TSG101: variants seen among roughly 807,000 people sequenced by gnomAD.
TSG101 encodes the protein tumor susceptibility 101.
A neutral mutation model predicts 48.5 loss-of-function variants in TSG101; 19 were observed. The observed-to-expected ratio is 0.39, with a 90% CI of 0.27 to 0.58. TSG101 has a LOEUF of 0.58. TSG101 is among the 20% of genes least tolerant of loss of function. The probability of loss-of-function intolerance (pLI) is 0.55; values close to 1 mark genes in which losing one functional copy is unlikely to be tolerated. For synonymous variants in TSG101, 174 were observed against 169.4 expected (o/e 1.03, Z -0.21); for missense variants, 365 against 484.4 (o/e 0.75, Z 2.31).
At chr11:18,505,240 T>C (rs955881843) in intron 6 of TSG101, among the ~76,000 whole-genome samples, 1 of 151,852 alleles carries the variant, frequency 6.6e-6, no homozygotes. Flanking sequence ...AGTCTCATCT[T>C]GGCATCAGTA....
chr11:18,509,458 C>T (rs765026617), intron 5 of TSG101, 84 bp downstream of exon 5: 20 of 1,494,778 alleles, frequency 1.3e-5, no homozygotes, highest in Non-Finnish European at 1.8e-5. Context: ...GCAAAGAAGT[C>T]ATTATTTTTC....
At chr11:18,515,881 T>C (rs1261749517) in intron 3 of TSG101, among the ~76,000 whole-genome samples, 2 of 152,210 alleles carry the variant, frequency 1.3e-5, no homozygotes, top group Admixed American at 6.5e-5. Flanking sequence ...CTGGTGAACT[T>C]AGGCACTTAT....
chr11:18,526,519 G>A (rs1357612743), intron 1 of TSG101, among the ~76,000 whole-genome samples: 1 of 152,242 alleles, frequency 6.6e-6, no homozygotes, highest in East Asian at 1.9e-4. Context: ...GAGGGCGGGT[G>A]GGCGGCAGGT....
chr11:18,510,071 G>A (rs184138203), intron 4 of TSG101, among the ~76,000 whole-genome samples: 1 of 152,264 alleles, frequency 6.6e-6, no homozygotes, highest in East Asian at 1.9e-4. Context: ...TGATATCTTG[G>A]AAATACGTGT....
intron 7 of TSG101, among the ~76,000 whole-genome samples, chr11:18,489,784 C>T (rs1386988616): frequency 6.6e-6 from 1 of 152,150 alleles, no homozygotes; most frequent in Non-Finnish European, 1.5e-5. Context: ...AACTCAAATG[C>T]CAAATGATGT....
intron 6 of TSG101, among the ~76,000 whole-genome samples, chr11:18,504,242 C>G (rs1348586199): frequency 6.6e-6 from 1 of 150,554 alleles, no homozygotes; most frequent in Non-Finnish European, 1.5e-5. Context: ...GACACTGGAG[C>G]AAGAGCTCCT....
At chr11:18,525,336 G>C (rs1850351553) in intron 1 of TSG101, among the ~76,000 whole-genome samples, 1 of 152,024 alleles carries the variant, frequency 6.6e-6, no homozygotes, top group Non-Finnish European at 1.5e-5. Context: ...ACTGAGGTCT[G>C]GAGTTTAAGA....
At chr11:18,519,178 A>AT (rs1020119618) in intron 2 of TSG101, among the ~76,000 whole-genome samples, 2 of 151,662 alleles carry the variant, frequency 1.3e-5, no homozygotes, top group African/African-American at 2.4e-5. Context: ...AACTTTAAGT[A>AT]TTTTTTTGTT....
chr11:18,520,560 A>T (rs1010492607), intron 1 of TSG101, among the ~76,000 whole-genome samples: 1 of 152,158 alleles, frequency 6.6e-6, no homozygotes, highest in Non-Finnish European at 1.5e-5. Flanking sequence ...CAGCTGAAAA[A>T]TACTTAACTG....
intron 7 of TSG101, among the ~76,000 whole-genome samples, chr11:18,499,264 T>C (rs1170381665): frequency 8.3e-6 from 1 of 120,302 alleles, no homozygotes; most frequent in Non-Finnish European, 1.8e-5. Flanking sequence ...TTATATATAT[T>C]TTATATATAT....
At chr11:18,486,009 G>A (rs1487789030) in intron 7 of TSG101, among the ~76,000 whole-genome samples, 1 of 152,116 alleles carries the variant, frequency 6.6e-6, no homozygotes, top group African/African-American at 2.4e-5. Flanking sequence ...CCAATCAAAT[G>A]TTGCCTTTTC....
intron 8 of TSG101, 28 bp from the exon 9 acceptor site, chr11:18,481,897 T>C (rs779460696): frequency 3.7e-6 from 6 of 1,607,880 alleles, no homozygotes; most frequent in Non-Finnish European, 5.1e-6. Flanking sequence ...CAAGCATTAA[T>C]AACTGTACAT....
At chr11:18,500,835 GCT>G (rs1849875961) in intron 7 of TSG101, among the ~76,000 whole-genome samples, 1 of 150,758 alleles carries the variant, frequency 6.6e-6, no homozygotes, top group African/African-American at 2.4e-5. Context: ...ACAAGGTCTC[GCT>G]CTGTTGCCCA....
At chr11:18,505,771 T>C (rs1164203994) in intron 6 of TSG101, among the ~76,000 whole-genome samples, 3 of 152,192 alleles carry the variant, frequency 2.0e-5, no homozygotes, top group Non-Finnish European at 2.9e-5. Context: ...TTGACCCCAT[T>C]ATCTGAACCA....
intron 6 of TSG101, among the ~76,000 whole-genome samples, chr11:18,505,651 T>C (rs1047418078): frequency 1.3e-5 from 2 of 152,228 alleles, no homozygotes; most frequent in African/African-American, 2.4e-5. Flanking sequence ...GTTAACAGAC[T>C]GATTTCATTG....
At position 18,510,044 on chromosome 11, in the gene TSG101, C is replaced by T. The variant is rs565992389; in HGVS notation, c.358-379G>A. Among the ~76,000 whole-genome samples the T allele has an allele frequency of 1.6e-4, 25 of 152,134 alleles. 1 individual carries two copies. In the Middle Eastern group the frequency reaches 0.01, roughly 62 times the overall value. On this transcript the variant is annotated intron_variant, in intron 4 of 9. Coordinates refer to ENST00000251968, the MANE Select transcript of TSG101 (RefSeq NM_006292.4). ...GCAACAGTCACAATATTATTAAAGGCCATTAAAAGACATCAATGATATCTT... is the reference window on the plus strand; with the variant it reads ...GCAACAGTCACAATATTATTAAAGGTCATTAAAAGACATCAATGATATCTT...
chr11:18,525,664 G>A, intron 1 of TSG101: 3 of 984,368 alleles, frequency 3.0e-6, no homozygotes, highest in Non-Finnish European at 3.6e-6. Context: ...TCTTTACCTG[G>A]GTCACAATCT....
intron 9 of TSG101, 138 bp downstream of exon 9, chr11:18,481,492 A>C (rs1383071922): frequency 1.4e-6 from 2 of 1,448,490 alleles, no homozygotes; most frequent in African/African-American, 2.9e-5. Flanking sequence ...GCAAAACCCT[A>C]CATCTCATTT....
At chr11:18,488,147 T>C (rs1403805796) in intron 7 of TSG101, among the ~76,000 whole-genome samples, 1 of 152,216 alleles carries the variant, frequency 6.6e-6, no homozygotes, top group African/African-American at 2.4e-5. Flanking sequence ...AGCTACCAGA[T>C]ATACAAACAG....
Sources: allele counts gnomAD v4.1 joint callset (sites outside exome capture counted in the v4.1 genomes callset), GRCh38; gene constraint gnomAD v4.1.1; transcripts MANE v1.5; gene names NCBI Gene and HGNC (gene_info 2026-07-23, HGNC 2026-07-21).